The following EHBP1 variants were observed in gnomAD, a reference collection of about 807,000 sequenced individuals.
The protein encoded by EHBP1 is EH domain binding protein 1.
A neutral mutation model predicts 144.0 loss-of-function variants in EHBP1; 55 were observed. The ratio of observed to expected loss-of-function variants is 0.38; its 90% CI spans 0.31 to 0.48. The LOEUF is 0.48. Among genes scored for constraint, EHBP1 ranks in the 20% least tolerant of loss-of-function variants. The pLI, the probability that EHBP1 is intolerant of heterozygous loss-of-function variation, is 0.98. For missense variants in EHBP1, 1,200 were observed against 1,364.2 expected, an observed-to-expected ratio of 0.88 and a Z score of 1.90; for synonymous variants, 469 against 472.7, an observed-to-expected ratio of 0.99 and a Z score of 0.10.
intron 10 of EHBP1, among the ~76,000 whole-genome samples, chr2:62,921,818 C>CT (rs2055112422): frequency 6.6e-6 from 1 of 152,162 alleles, no homozygotes; most frequent in Admixed American, 6.5e-5. Flanking sequence ...TCAAGGAATA[C>CT]ATTTTGTATG....
At chr2:62,856,686 G>T (rs1272063803) in intron 7 of EHBP1, among the ~76,000 whole-genome samples, 1 of 152,216 alleles carries the variant, frequency 6.6e-6, no homozygotes. Context: ...AGCCAGAAAA[G>T]CTACATCCCA....
intron 1 of EHBP1, among the ~76,000 whole-genome samples, chr2:62,684,794 CAGGG>C (rs1224216276): frequency 6.6e-6 from 1 of 152,044 alleles, no homozygotes; most frequent in African/African-American, 2.4e-5. Flanking sequence ...AGGAGGGAGA[CAGGG>C]AGGGAGGGAG....
chr2:62,755,176 C>A (rs960266241), intron 3 of EHBP1, among the ~76,000 whole-genome samples: 1 of 152,184 alleles, frequency 6.6e-6, no homozygotes, highest in Non-Finnish European at 1.5e-5. Flanking sequence ...AGTTCCCAAC[C>A]CTCAGAGGTG....
At chr2:62,903,882 C>CA (rs1228171833) in intron 10 of EHBP1, among the ~76,000 whole-genome samples, 2 of 152,160 alleles carry the variant, frequency 1.3e-5, no homozygotes, top group Non-Finnish European at 2.9e-5. Context: ...TCATCTAATA[C>CA]AAAATTTTTA....
At chr2:62,935,344 A>AAATAT (rs1553479000) in intron 10 of EHBP1, among the ~76,000 whole-genome samples, 18 of 121,482 alleles carry the variant, frequency 1.5e-4, no homozygotes, top group East Asian at 4.5e-4. Flanking sequence ...AAAAAAAAAA[A>AAATAT]ATATATATAT....
chr2:62,955,541 G>A lies in EHBP1; in HGVS notation c.2341G>A (p.Glu781Lys), dbSNP rs1330900256. Reference sequence around the variant, plus strand: ...GCATCGATTGTTATCTAGACAAGAAGAACTTAAGGAAAGAGCAAGAGTTCT... The same window carrying A: ...GCATCGATTGTTATCTAGACAAGAAAAACTTAAGGAAAGAGCAAGAGTTCT... Reference protein sequence around the residue: ...VQHRLLSRQEELKERARVLLE... With the variant: ...VQHRLLSRQEKLKERARVLLE... The change falls in exon 14 of 23, where the codon GAA becomes AAA. Residue 781 changes from glutamate to lysine, a missense_variant. Transcript: ENST00000431489. The A allele has an allele frequency of 2.5e-6, 4 of 1,611,062 alleles. No individual in the cohort carries two copies. Among genetic ancestry groups the A allele is most frequent in the Non-Finnish European group, 3.4e-6 (4 of 1,178,402 alleles).
intron 5 of EHBP1, among the ~76,000 whole-genome samples, chr2:62,793,278 T>A (rs2043294077): frequency 6.6e-6 from 1 of 152,124 alleles, no homozygotes; most frequent in Non-Finnish European, 1.5e-5. Flanking sequence ...CCACAATGAT[T>A]GACTTTTTTT....
intron 5 of EHBP1, among the ~76,000 whole-genome samples, chr2:62,808,443 A>G (rs1188983618): frequency 6.6e-6 from 1 of 151,890 alleles, no homozygotes; most frequent in Non-Finnish European, 1.5e-5. Flanking sequence ...AATTTCTGTT[A>G]TAGTGTTTTT....
chr2:62,817,930 C>T (rs1277373832), intron 5 of EHBP1, among the ~76,000 whole-genome samples: 1 of 151,968 alleles, frequency 6.6e-6, no homozygotes, highest in African/African-American at 2.4e-5. Context: ...AATTTCTACT[C>T]CTACTTTCCT....
intron 10 of EHBP1, among the ~76,000 whole-genome samples, chr2:62,892,888 G>A (rs935006091): frequency 2.0e-5 from 3 of 152,004 alleles, no homozygotes; most frequent in Non-Finnish European, 4.4e-5. Context: ...TGAGACTTCA[G>A]AGTACACATA....
At chr2:62,987,770 A>G (rs901175660) in intron 15 of EHBP1, among the ~76,000 whole-genome samples, 1 of 152,176 alleles carries the variant, frequency 6.6e-6, no homozygotes, top group African/African-American at 2.4e-5. Flanking sequence ...TTAATCCAAT[A>G]GTGAAAGAGT....
chr2:62,862,420 C>T (rs2152804999), intron 8 of EHBP1, among the ~76,000 whole-genome samples: 1 of 152,128 alleles, frequency 6.6e-6, no homozygotes, highest in East Asian at 1.9e-4. Flanking sequence ...ACCAGCCTGG[C>T]CAACAGGGTG....
chr2:62,674,202 A>ATG (rs912463887), intron 1 of EHBP1: 5 of 463,236 alleles, frequency 1.1e-5, no homozygotes, highest in East Asian at 7.0e-5. Flanking sequence ...ATGTGTGTGT[A>ATG]TGTGTGTGTG....
intron 13 of EHBP1, among the ~76,000 whole-genome samples, chr2:62,954,379 C>T (rs1445676554): frequency 6.6e-6 from 1 of 152,098 alleles, no homozygotes; most frequent in Non-Finnish European, 1.5e-5. Flanking sequence ...TGAACTTAGA[C>T]TTATCGTTAT....
At chr2:62,763,309 G>T (rs1389805756) in intron 3 of EHBP1, among the ~76,000 whole-genome samples, 1 of 151,100 alleles carries the variant, frequency 6.6e-6, no homozygotes, top group Admixed American at 6.6e-5. Flanking sequence ...CTACTGTATT[G>T]TAAACTCCCC....
chr2:62,958,271 A>T (rs981260727), intron 14 of EHBP1, among the ~76,000 whole-genome samples: 4 of 152,250 alleles, frequency 2.6e-5, no homozygotes, highest in African/African-American at 4.8e-5. Context: ...ACAAAATTTC[A>T]TGGCAGTTTT....
At chr2:62,917,479 C>T (rs1334318304) in intron 10 of EHBP1, among the ~76,000 whole-genome samples, 2 of 152,012 alleles carry the variant, frequency 1.3e-5, no homozygotes, top group African/African-American at 4.8e-5. Context: ...TGTGCGCACA[C>T]ACACATTTTA....
chr2:62,797,132 C>CA (rs2043595032), intron 5 of EHBP1, among the ~76,000 whole-genome samples: 1 of 152,140 alleles, frequency 6.6e-6, no homozygotes, highest in South Asian at 2.1e-4. Flanking sequence ...AACATGTAGA[C>CA]ATCAAATACA....
In EHBP1 at chr2:63,045,147, C is replaced by T. The variant is rs750441921; in HGVS notation, c.3359C>T (p.Ala1120Val). 5 of 1,595,198 alleles carry T rather than the reference C, an allele frequency of 3.1e-6. No homozygotes were observed. The highest frequency in any genetic ancestry group is 4.3e-6 in the Non-Finnish European group (5 of 1,170,452). Residue 1120 changes from alanine (A) to valine (V), a missense_variant, in exon 22 of 23, where the codon GCG becomes GTG. Coordinates refer to ENST00000431489, the MANE Select transcript of EHBP1 (RefSeq NM_001142616.3). This position sits in a 1 kb window ranked among gnomAD's most constrained non-coding sequence, Gnocchi z 5.7. ...ELVALVNKRD[A>V]LVRDLDAQEK... ...GTGGCCCTGGTGAACAAGCGCGATG[C>T]GCTCGTCAGGGACCTGGACGCGCAG...
Sources: gnomAD v4.1 joint callset for allele counts (sites outside exome capture counted in the v4.1 genomes callset) on GRCh38, gnomAD v4.1.1 for gene constraint, Gnocchi (gnomAD v3.1) non-coding constraint, MANE v1.5 for transcripts, NCBI Gene and HGNC (gene_info 2026-07-23, HGNC 2026-07-21) for gene names.